RBFOX3: variants seen among roughly 807,000 people sequenced by gnomAD.
The protein encoded by RBFOX3 is RNA binding protein fox-1 homolog 3.
RBFOX3 carries 17 observed loss-of-function variants against 48.7 expected under a neutral mutation model. The ratio of observed to expected loss-of-function variants is 0.35; its 90% confidence interval spans 0.24 to 0.52. The LOEUF (loss-of-function observed/expected upper bound fraction) is 0.52. Ranked by LOEUF, RBFOX3 falls within the 20% of genes least tolerant of loss-of-function variation. RBFOX3 has a pLI of 0.94. For missense variants in RBFOX3, 382 were observed against 497.5 expected, an observed-to-expected ratio of 0.77 and a Z score of 2.21; for synonymous variants, 212 against 209.5, an observed-to-expected ratio of 1.01 and a Z score of -0.10.
At chr17:79,429,200 G>A (rs537123570) in intron 2 of RBFOX3, among the ~76,000 whole-genome samples, 1 of 152,350 alleles carries the variant, frequency 6.6e-6, no homozygotes, top group East Asian at 1.9e-4. Context: ...AGGGACACCA[G>A]CACAGAGCTG....
rs1441684846 is a variant in RBFOX3 at position 79,477,933 on chromosome 17, C to T, written c.-175+4521G>A. ...ACCCCAGCAACGTCCTTCAGCTGGGCACCGCCTGTTCCACCCAGGAGCACC... is the reference window on the plus strand; with the variant it reads ...ACCCCAGCAACGTCCTTCAGCTGGGTACCGCCTGTTCCACCCAGGAGCACC... On this transcript the variant is annotated intron_variant, in intron 2 of 14. Transcript: ENST00000693108. This position sits in a 1 kb window ranked among gnomAD's most constrained non-coding sequence, Gnocchi z 4.8. 3.3e-5 allele frequency among the ~76,000 whole-genome samples: 5 copies of T among 152,282 alleles called. No homozygotes were observed. In the South Asian group the frequency reaches 8.3e-4, roughly 25 times the overall value.
intron 2 of RBFOX3, among the ~76,000 whole-genome samples, chr17:79,388,267 C>T (rs2148110767): frequency 1.3e-5 from 2 of 152,266 alleles, no homozygotes; most frequent in South Asian, 4.1e-4. Context: ...AGAGTCATGC[C>T]CAGGCCAGAA....
At chr17:79,469,516 CCT>C (rs2076795026) in intron 2 of RBFOX3, among the ~76,000 whole-genome samples, 1 of 152,194 alleles carries the variant, frequency 6.6e-6, no homozygotes, top group Non-Finnish European at 1.5e-5. Flanking sequence ...GTCCCTGTCC[CCT>C]GTCCTGCAGG....
At chr17:79,340,584 TG>T (rs2081931153) in intron 2 of RBFOX3, among the ~76,000 whole-genome samples, 1 of 152,072 alleles carries the variant, frequency 6.6e-6, no homozygotes. Flanking sequence ...CGACATGATT[TG>T]GGGGTGATTA....
intron 2 of RBFOX3, among the ~76,000 whole-genome samples, chr17:79,325,523 G>T (rs181096127): frequency 6.6e-6 from 1 of 152,142 alleles, no homozygotes; most frequent in Non-Finnish European, 1.5e-5. Context: ...TGGGAGACCC[G>T]ATAGAGACTT....
chr17:79,435,868 G>C (rs1321133672), intron 2 of RBFOX3, among the ~76,000 whole-genome samples: 2 of 152,256 alleles, frequency 1.3e-5, no homozygotes, highest in Non-Finnish European at 2.9e-5. Context: ...CTCCAGCTCT[G>C]TGTGCTCGGG....
intron 1 of RBFOX3, among the ~76,000 whole-genome samples, chr17:79,523,298 A>G (rs2150013007): frequency 6.6e-6 from 1 of 152,308 alleles, no homozygotes; most frequent in East Asian, 1.9e-4. Context: ...GGCAAATTTT[A>G]TGTGATGTAT....
chr17:79,224,509 C>T (rs997977530), intron 4 of RBFOX3, among the ~76,000 whole-genome samples: 1 of 152,192 alleles, frequency 6.6e-6, no homozygotes, highest in South Asian at 2.1e-4. Flanking sequence ...GTCCACTTGG[C>T]TGCGAAACAT....
At position 79,586,935 on chromosome 17, in the gene RBFOX3, A is replaced by T. The variant is rs2093268938; in HGVS notation, c.-320+23891T>A. Among the ~76,000 whole-genome samples the T allele has an allele frequency of 2.0e-5, 3 of 152,344 alleles. No homozygotes were observed. In the South Asian group the frequency reaches 6.2e-4, roughly 32 times the overall value. Reference sequence around the variant, plus strand: ...TCTGTGCAAGTCTGGTAATACCTGAATTCCAGGCACAAATAAATGAAACTT... The same window carrying T: ...TCTGTGCAAGTCTGGTAATACCTGATTTCCAGGCACAAATAAATGAAACTT... On this transcript the variant is annotated intron_variant, in intron 1 of 14. Coordinates refer to ENST00000693108, the MANE Select transcript of RBFOX3 (RefSeq NM_001350451.2).
chr17:79,355,880 C>A (rs560277366), intron 2 of RBFOX3, among the ~76,000 whole-genome samples: 1 of 152,134 alleles, frequency 6.6e-6, no homozygotes, highest in Non-Finnish European at 1.5e-5. Context: ...CGTGCCTGGC[C>A]GAACTGCTTT....
intron 1 of RBFOX3, among the ~76,000 whole-genome samples, chr17:79,580,226 T>G: frequency 6.7e-6 from 1 of 148,766 alleles, no homozygotes; most frequent in Non-Finnish European, 1.5e-5. Flanking sequence ...AGTCCCACCA[T>G]CATTATCATC....
At chr17:79,516,724 G>T (rs1487063277) in intron 1 of RBFOX3, among the ~76,000 whole-genome samples, 1 of 152,238 alleles carries the variant, frequency 6.6e-6, no homozygotes, top group African/African-American at 2.4e-5. Flanking sequence ...CCCTCCGAAA[G>T]CACGCTGGAG....
At chr17:79,123,778 A>G (rs2147246348) in intron 4 of RBFOX3, among the ~76,000 whole-genome samples, 1 of 152,262 alleles carries the variant, frequency 6.6e-6, no homozygotes, top group South Asian at 2.1e-4. Context: ...GGCAGGCAGT[A>G]AAGTTTGGCC....
chr17:79,337,030 G>A (rs1026672888), intron 2 of RBFOX3, among the ~76,000 whole-genome samples: 3 of 152,060 alleles, frequency 2.0e-5, no homozygotes, highest in Non-Finnish European at 4.4e-5. Flanking sequence ...TGAGGCAGAA[G>A]AATCGCTTGA....
intron 2 of RBFOX3, among the ~76,000 whole-genome samples, chr17:79,380,163 C>T (rs567097440): frequency 5.9e-5 from 9 of 151,964 alleles, no homozygotes; most frequent in Admixed American, 2.6e-4. Flanking sequence ...GTCTGGCTCC[C>T]CCACCTAACA....
rs2076446411 is a variant in RBFOX3 at position 79,101,589 on chromosome 17, G to C, written c.563C>G (p.Thr188Ser). The change falls in exon 9 of 15, where the codon ACC becomes AGC. Residue 188 changes from threonine to serine, a missense_variant. Transcript: ENST00000693108. The stretch of plus-strand genomic sequence containing the variant: ...GGGGGGACCCAGCCCCTTACCGTTG[G>C]TGTAGGGGTTCCCCGTCTTCTTGTT... The part of the protein sequence containing the change: ...MTNKKTGNPY[T>S]NGWKLNPVVG... 6.4e-7 allele frequency: 1 copy of C among 1,551,004 alleles called. No individual in the cohort carries two copies. Among genetic ancestry groups the C allele is most frequent in the Non-Finnish European group, 8.7e-7 (1 of 1,146,836 alleles).
chr17:79,425,772 C>T (rs782398301), intron 2 of RBFOX3, among the ~76,000 whole-genome samples: 7 of 151,466 alleles, frequency 4.6e-5, no homozygotes, highest in East Asian at 1.9e-4. Context: ...ATTGGGGGCC[C>T]GGGGGTTCCG....
At chr17:79,170,147 A>AGGAAGGAAGGGAGGAGGAAGG (rs1244469275) in intron 4 of RBFOX3, among the ~76,000 whole-genome samples, 2 of 142,462 alleles carry the variant, frequency 1.4e-5, no homozygotes, top group African/African-American at 5.2e-5. Flanking sequence ...GGAGGGAAGG[A>AGGAAGGAAGGGAGGAGGAAGG]AGGAAGGGAG....
chr17:79,119,010 A>AT (rs1568165979), intron 4 of RBFOX3, among the ~76,000 whole-genome samples: 9 of 116,342 alleles, frequency 7.7e-5, no homozygotes, highest in Non-Finnish European at 1.6e-4. Flanking sequence ...AAATAAAATA[A>AT]AAAAGAAAGC....
Sources: allele counts gnomAD v4.1 joint callset (sites outside exome capture counted in the v4.1 genomes callset), GRCh38; gene constraint gnomAD v4.1.1; non-coding constraint Gnocchi (gnomAD v3.1); transcripts MANE v1.5; gene names NCBI Gene and HGNC (gene_info 2026-07-23, HGNC 2026-07-21).